The following ARHGAP29 variants were observed in gnomAD, a reference collection of about 807,000 sequenced individuals.
ARHGAP29 encodes rho GTPase-activating protein 29.
A neutral mutation model predicts 122.6 loss-of-function variants in ARHGAP29; 43 were observed. The ratio of observed to expected loss-of-function variants is 0.35; its 90% CI spans 0.27 to 0.45. The LOEUF is 0.45. Ranked by LOEUF, ARHGAP29 falls within the 20% of genes least tolerant of loss-of-function variation. ARHGAP29 has a pLI of 1.00. For missense variants in ARHGAP29, 1,303 were observed against 1,477.2 expected, an observed-to-expected ratio of 0.88 and a Z score of 1.93; for synonymous variants, 506 against 497.1, an observed-to-expected ratio of 1.02 and a Z score of -0.24.
At chr1:94,233,291 T>C (rs542609130) in intron 1 of ARHGAP29, among the ~76,000 whole-genome samples, 2 of 152,120 alleles carry the variant, frequency 1.3e-5, no homozygotes, top group African/African-American at 2.4e-5. Flanking sequence ...TCTAGTCATA[T>C]GTAAGATACA....
chr1:94,290,166 A>G, the ARHGAP29 span, among the ~76,000 whole-genome samples: 1 of 152,176 alleles, frequency 6.6e-6, no homozygotes, highest in South Asian at 2.1e-4. Flanking sequence ...CCTCAATTTC[A>G]GAACCTGTTA....
rs1228089687 is a variant in ARHGAP29, at chr1:94,170,694, CA to C, written c.*3174del. Among the ~76,000 whole-genome samples the C allele has an allele frequency of 6.6e-6, 1 of 152,142 alleles. No homozygotes were observed. Among genetic ancestry groups the C allele is most frequent in the African/African-American group, 2.4e-5 (1 of 41,452 alleles). On this transcript the variant is annotated 3_prime_UTR_variant, in exon 23 of 23. Coordinates refer to ENST00000260526, the MANE Select transcript of ARHGAP29 (RefSeq NM_004815.4). ...TTTGGTTGGGATTACATTGAATCTA[CA>C]AATGTAAATGAACATCTTTACACGA...
At chr1:94,277,185 T>C (rs1032401906), upstream of ARHGAP29, among the ~76,000 whole-genome samples, 8 of 152,234 alleles carry the variant, frequency 5.3e-5, no homozygotes, top group South Asian at 2.1e-4. Context: ...ACATTGAATA[T>C]GGGTTCTCTA....
chr1:94,229,708 G>C (rs1402704355), intron 2 of ARHGAP29, among the ~76,000 whole-genome samples: 5 of 151,412 alleles, frequency 3.3e-5, no homozygotes, highest in Admixed American at 6.6e-5. Context: ...TTTACCTCAG[G>C]GGGTAGTCTC....
At chr1:94,263,220 A>G (rs1175472366) in intron 1 of ARHGAP29, among the ~76,000 whole-genome samples, 1 of 152,124 alleles carries the variant, frequency 6.6e-6, no homozygotes, top group Non-Finnish European at 1.5e-5. Flanking sequence ...ATAGAGGAAA[A>G]CAACAGACAC....
upstream of ARHGAP29, among the ~76,000 whole-genome samples, chr1:94,239,751 A>C (rs1653506191): frequency 3.0e-5 from 3 of 101,572 alleles, no homozygotes; most frequent in Admixed American, 2.3e-4. Flanking sequence ...GGGGGAAATG[A>C]AGCCAATTAG....
chr1:94,243,851 C>G (rs893599703), intron 1 of ARHGAP29, among the ~76,000 whole-genome samples: 1 of 151,524 alleles, frequency 6.6e-6, no homozygotes, highest in African/African-American at 2.4e-5. Context: ...GACATCAGTA[C>G]AGACCCTACA....
At chr1:94,249,101 G>T (rs1653975809) in intron 1 of ARHGAP29, among the ~76,000 whole-genome samples, 1 of 152,188 alleles carries the variant, frequency 6.6e-6, no homozygotes, top group Admixed American at 6.5e-5. Context: ...GTTTGGCAAA[G>T]AAACTAAAAA....
rs1557881998 is a variant in ARHGAP29, at chr1:94,237,584, T to G, written c.-202A>C. ...CCACAGCCACAGGCACCACCACCAC[T>G]GCAGCCGCCACCGCCCCTGCAGCTA... On this transcript the variant is annotated 5_prime_UTR_variant, in exon 1 of 23. Coordinates refer to ENST00000260526, the MANE Select transcript of ARHGAP29 (RefSeq NM_004815.4). The G allele has an allele frequency of 2.0e-6, 2 of 989,132 alleles. No homozygotes were observed. Among genetic ancestry groups the G allele is most frequent in the Non-Finnish European group, 1.2e-6 (1 of 832,866 alleles). 61.3% of individuals were successfully genotyped at this position (989,132 alleles called of 1,614,324 possible).
intron 12 of ARHGAP29, among the ~76,000 whole-genome samples, chr1:94,199,711 A>C (rs1485608853): frequency 1.3e-5 from 2 of 152,192 alleles, no homozygotes; most frequent in Non-Finnish European, 1.5e-5. Context: ...AATCCTAAAC[A>C]GTTTACCTTG....
chr1:94,257,045 ATT>A (rs1045036761), intron 1 of ARHGAP29, among the ~76,000 whole-genome samples: 32 of 152,060 alleles, frequency 2.1e-4, no homozygotes, highest in Non-Finnish European at 1.5e-5. Context: ...AAAATTAAGA[ATT>A]TTCAAAGAAT....
upstream of ARHGAP29, chr1:94,237,663 T>C (rs943452702): frequency 6.4e-5 from 63 of 985,630 alleles, no homozygotes; most frequent in Admixed American, 2.6e-3. Flanking sequence ...GCCCAGCCCA[T>C]TGGCCCGCGC....
chr1:94,307,697 C>A, the ARHGAP29 span, among the ~76,000 whole-genome samples: 1 of 151,792 alleles, frequency 6.6e-6, no homozygotes, highest in African/African-American at 2.4e-5. Context: ...GGATATTTAA[C>A]AAATGGTGTT....
upstream of ARHGAP29, among the ~76,000 whole-genome samples, chr1:94,241,520 G>A (rs1227998719): frequency 1.3e-5 from 2 of 151,538 alleles, no homozygotes; most frequent in African/African-American, 4.9e-5. Context: ...GGGAGGCTAA[G>A]GCAGTAGAAT....
chr1:94,305,302 C>A, the ARHGAP29 span, among the ~76,000 whole-genome samples: 13 of 152,168 alleles, frequency 8.5e-5, no homozygotes, highest in Non-Finnish European at 1.8e-4. Context: ...GTGTGCCAAT[C>A]CTGAGTGGTC....
At chr1:94,244,636 G>A (rs1653722560) in intron 1 of ARHGAP29, among the ~76,000 whole-genome samples, 1 of 151,834 alleles carries the variant, frequency 6.6e-6, no homozygotes, top group Non-Finnish European at 1.5e-5. Context: ...AGAGATGGTG[G>A]GTTGGGGACT....
At chr1:94,275,622 T>C (rs1438904373), upstream of ARHGAP29, among the ~76,000 whole-genome samples, 1 of 152,142 alleles carries the variant, frequency 6.6e-6, no homozygotes, top group Non-Finnish European at 1.5e-5. Context: ...CAGGTGCTGG[T>C]TGGCAGTCTT....
At position 94,203,921 on chromosome 1, in the gene ARHGAP29, A is replaced by G; in HGVS notation, c.762+9T>C. On this transcript the variant is annotated intron_variant, in intron 8 of 22. Coordinates refer to ENST00000260526, the MANE Select transcript of ARHGAP29 (RefSeq NM_004815.4). ...ATTATAGAACCCCCGAAGTTCACAG[A>G]ACACTTACCTGAATTCCAATGTTAG... 1 of 1,613,192 alleles carries G rather than the reference A, an allele frequency of 6.2e-7. No individual in the cohort carries two copies.
At chr1:94,224,964 A>G (rs544314753) in intron 2 of ARHGAP29, among the ~76,000 whole-genome samples, 1 of 152,328 alleles carries the variant, frequency 6.6e-6, no homozygotes, top group East Asian at 1.9e-4. Flanking sequence ...CTGAAATTAA[A>G]TACACTGCTG....
Sources: gnomAD v4.1 joint callset for allele counts (sites outside exome capture counted in the v4.1 genomes callset) on GRCh38, gnomAD v4.1.1 for gene constraint, MANE v1.5 for transcripts, NCBI Gene and HGNC (gene_info 2026-07-23, HGNC 2026-07-21) for gene names.